PAM: variants seen among roughly 807,000 people sequenced by gnomAD.
PAM encodes the protein peptidylglycine alpha-amidating monooxygenase, also known as peptidyl-glycine alpha-amidating monooxygenase.
Under a neutral mutation model 122.1 loss-of-function variants are expected in PAM, and 72 were observed. The observed-to-expected ratio is 0.59, with a 90% CI of 0.49 to 0.72. PAM has a LOEUF of 0.72. Ranked by LOEUF, PAM falls within the 30% of genes least tolerant of loss-of-function variation. The pLI is 0.00. For synonymous variants in PAM, 389 were observed against 404.4 expected (o/e 0.96, Z 0.46); for missense variants, 1,106 against 1,183.7 (o/e 0.93, Z 0.96).
chr5:103,019,970 C>A, intron 23 of PAM, 127 bp downstream of exon 23: 1 of 719,880 alleles, frequency 1.4e-6, no homozygotes, highest in Non-Finnish European at 2.6e-6. Flanking sequence ...TCAGTGACTT[C>A]TGCTATGTAC....
At chr5:102,920,169 G>A (rs1257039294) in intron 5 of PAM, among the ~76,000 whole-genome samples, 1 of 151,950 alleles carries the variant, frequency 6.6e-6, no homozygotes, top group African/African-American at 2.4e-5. Flanking sequence ...TGTAAAATTG[G>A]GCTACTAATC....
chr5:102,943,876 TCA>T (rs1756107673), intron 7 of PAM, among the ~76,000 whole-genome samples: 1 of 152,160 alleles, frequency 6.6e-6, no homozygotes, highest in Non-Finnish European at 1.5e-5. Context: ...AAGCAGTCAT[TCA>T]GTTTCATCTT....
chr5:103,009,340 A>T (rs1267262347), intron 20 of PAM, among the ~76,000 whole-genome samples: 1 of 152,210 alleles, frequency 6.6e-6, no homozygotes, highest in Non-Finnish European at 1.5e-5. Flanking sequence ...TGGATTCTCC[A>T]TGTAGCTATG....
At chr5:103,014,513 A>G (rs1781467067) in intron 21 of PAM, among the ~76,000 whole-genome samples, 1 of 152,224 alleles carries the variant, frequency 6.6e-6, no homozygotes, top group African/African-American at 2.4e-5. Flanking sequence ...TTTTCATTAA[A>G]TAGATTATTA....
chr5:103,017,606 T>C (rs1384410313), intron 22 of PAM, among the ~76,000 whole-genome samples, 173 bp downstream of exon 22: 3 of 152,210 alleles, frequency 2.0e-5, no homozygotes, highest in African/African-American at 7.2e-5. Context: ...AAGAAACGAT[T>C]TTTTTGCTGG....
intron 6 of PAM, among the ~76,000 whole-genome samples, chr5:102,925,915 A>G (rs1749292291): frequency 6.6e-6 from 1 of 152,226 alleles, no homozygotes; most frequent in Non-Finnish European, 1.5e-5. Context: ...AATGGACTTC[A>G]GTAATCTAGT....
chr5:102,931,805 A>ACTCTCTCTCTCTCTCTCTCTCT (rs879417466), intron 7 of PAM, among the ~76,000 whole-genome samples: 27 of 140,386 alleles, frequency 1.9e-4, no homozygotes, highest in African/African-American at 7.0e-4. Flanking sequence ...AACAAACAAC[A>ACTCTCTCTCTCTCTCTCTCTCT]CACTCTCTCT....
At chr5:102,815,536 G>A (rs1048094647) in intron 1 of PAM, among the ~76,000 whole-genome samples, 2 of 152,122 alleles carry the variant, frequency 1.3e-5, no homozygotes, top group Non-Finnish European at 2.9e-5. Flanking sequence ...TGATATCACT[G>A]TAGCTATTCC....
intron 23 of PAM, among the ~76,000 whole-genome samples, chr5:103,023,552 C>A (rs1433473025): frequency 6.7e-6 from 1 of 150,262 alleles, no homozygotes; most frequent in East Asian, 1.9e-4. Context: ...ATAGAAATCA[C>A]ATCTGTATTC....
At chr5:102,773,964 G>C (rs935784255) in intron 1 of PAM, among the ~76,000 whole-genome samples, 17 of 151,988 alleles carry the variant, frequency 1.1e-4, no homozygotes, top group African/African-American at 3.6e-4. Flanking sequence ...GAGAACATAA[G>C]GTATTTGGTT....
intron 1 of PAM, among the ~76,000 whole-genome samples, chr5:102,863,955 G>A (rs1210281213): frequency 6.6e-6 from 1 of 150,990 alleles, no homozygotes; most frequent in Non-Finnish European, 1.5e-5. Flanking sequence ...TAAGTGGGTG[G>A]TTTAGGGACA....
At chr5:102,991,922 TAC>T (rs1439100872) in intron 16 of PAM, among the ~76,000 whole-genome samples, 2 of 152,262 alleles carry the variant, frequency 1.3e-5, no homozygotes, top group East Asian at 3.9e-4. Flanking sequence ...AGGAGAAAAT[TAC>T]AGCATCATTT....
chr5:102,831,906 C>T (rs78642318), intron 1 of PAM, among the ~76,000 whole-genome samples: 1 of 151,470 alleles, frequency 6.6e-6, no homozygotes, highest in African/African-American at 2.4e-5. Flanking sequence ...CCCGCCCGCC[C>T]CTGTCTCATA....
intron 14 of PAM, among the ~76,000 whole-genome samples, chr5:102,963,893 A>G (rs995346025): frequency 6.7e-6 from 1 of 150,208 alleles, no homozygotes; most frequent in Non-Finnish European, 1.5e-5. Context: ...TTATATATAT[A>G]TATTTACTTC....
At position 102,866,051 on chromosome 5, in the gene PAM, G is replaced by A. The variant is rs1204705997; in HGVS notation, c.-145G>A. The A allele has an allele frequency of 2.1e-6, 1 of 479,618 alleles. No individual in the cohort carries two copies. Among genetic ancestry groups the A allele is most frequent in the African/African-American group, 2.1e-5 (1 of 48,556 alleles). 29.7% of individuals were successfully genotyped at this position (479,618 alleles called of 1,614,324 possible). ...CGCGGCCAGCTCGCTGCTCTCGCTG[G>A]CGGATGGTGTGTGGCCGCCGCAGGA... On this transcript the variant is annotated 5_prime_UTR_variant, in exon 2 of 26. Transcript: ENST00000438793.
At chr5:102,868,473 A>G (rs1786297997) in intron 3 of PAM, among the ~76,000 whole-genome samples, 1 of 152,160 alleles carries the variant, frequency 6.6e-6, no homozygotes, top group South Asian at 2.1e-4. Flanking sequence ...CCTCATCCCC[A>G]AATGACCATG....
At chr5:102,923,284 T>G (rs1482121776) in intron 5 of PAM, among the ~76,000 whole-genome samples, 1 of 152,176 alleles carries the variant, frequency 6.6e-6, no homozygotes, top group East Asian at 1.9e-4. Context: ...TTCTTACCAG[T>G]GGTTTTCATA....
intron 3 of PAM, among the ~76,000 whole-genome samples, chr5:102,892,815 G>C (rs1253514857): frequency 2.0e-5 from 3 of 151,866 alleles, no homozygotes; most frequent in East Asian, 3.9e-4. Flanking sequence ...AATGTTATAT[G>C]GTGCTGATAC....
chr5:102,813,626 A>G (rs1410416201), intron 1 of PAM, among the ~76,000 whole-genome samples: 1 of 152,154 alleles, frequency 6.6e-6, no homozygotes, highest in Non-Finnish European at 1.5e-5. Context: ...AAGACATGCA[A>G]TTATTGAAAC....
Sources: gnomAD v4.1 joint callset for allele counts (sites outside exome capture counted in the v4.1 genomes callset) on GRCh38, gnomAD v4.1.1 for gene constraint, MANE v1.5 for transcripts, NCBI Gene and HGNC (gene_info 2026-07-23, HGNC 2026-07-21) for gene names.